Variants in SMIM23 observed in about 807,000 individuals in gnomAD.
SMIM23 encodes the protein CTB-78H18.1.
A neutral mutation model predicts 12.8 loss-of-function variants in SMIM23; 10 were observed. The ratio of observed to expected loss-of-function variants is 0.78; its 90% CI spans 0.48 to 1.32. SMIM23 has a LOEUF of 1.32. Ranked by LOEUF, SMIM23 falls within the 40% of genes most tolerant of loss-of-function variation. The pLI is 0.00. For missense variants in SMIM23, 184 were observed against 198.2 expected (o/e 0.93, Z 0.43); for synonymous variants, 78 against 80.1 (o/e 0.97, Z 0.14).
chr5:171,788,072 T>TG lies in SMIM23; in HGVS notation c.105+2096_105+2097insG, dbSNP rs1755850875. Among the ~76,000 whole-genome samples the TG allele has an allele frequency of 4.6e-5, 7 of 151,502 alleles. No homozygotes were observed. In the South Asian group the frequency reaches 1.0e-3, roughly 22 times the overall value. On this transcript the variant is annotated intron_variant, in intron 1 of 3. Transcript: ENST00000523047. The stretch of plus-strand genomic sequence containing the variant: ...ATGTCACTTCACATACTTGGGTGTG[T>TG]AAGAAATTTATTCTTTCTTTAAGGC...
chr5:171,783,695 A>T (rs1185293922), upstream of SMIM23, among the ~76,000 whole-genome samples: 1 of 152,240 alleles, frequency 6.6e-6, no homozygotes, highest in East Asian at 1.9e-4. Context: ...ATAAAAGAAA[A>T]AGTGATAGAC....
chr5:171,787,761 C>T (rs917590989), intron 1 of SMIM23, among the ~76,000 whole-genome samples: 14 of 152,304 alleles, frequency 9.2e-5, no homozygotes, highest in Admixed American at 2.6e-4. Context: ...TTTGGGGCTC[C>T]GCCCACCTGG....
chr5:171,779,798 G>T (rs1379337936), upstream of SMIM23, among the ~76,000 whole-genome samples: 1 of 151,998 alleles, frequency 6.6e-6, no homozygotes, highest in Non-Finnish European at 1.5e-5. Flanking sequence ...AGCGAGGAAG[G>T]CAGGGAGAGA....
chr5:171,776,303 C>T, the SMIM23 span, among the ~76,000 whole-genome samples: 1 of 152,174 alleles, frequency 6.6e-6, no homozygotes, highest in Non-Finnish European at 1.5e-5. Flanking sequence ...CCTCAGGATG[C>T]CAGGCTCTGC....
intron 1 of SMIM23, among the ~76,000 whole-genome samples, chr5:171,788,849 ATT>A (rs140309710): frequency 6.6e-6 from 1 of 152,034 alleles, no homozygotes; most frequent in African/African-American, 2.4e-5. Context: ...AGAAAAAAAA[ATT>A]TTTTTTGAGA....
At chr5:171,780,275 T>G (rs184478438), upstream of SMIM23, among the ~76,000 whole-genome samples, 307 of 152,276 alleles carry the variant, frequency 2.0e-3, no homozygotes, top group Middle Eastern at 3.4e-3. Flanking sequence ...AATTCCCTCC[T>G]TCAAAGGCCT....
the SMIM23 span, among the ~76,000 whole-genome samples, chr5:171,776,582 A>C: frequency 6.6e-6 from 1 of 152,130 alleles, no homozygotes; most frequent in Non-Finnish European, 1.5e-5. Context: ...CCTTCAAGCC[A>C]CCAGAAGACC....
chr5:171,783,545 CA>C (rs1755761565), upstream of SMIM23, among the ~76,000 whole-genome samples: 1 of 152,130 alleles, frequency 6.6e-6, no homozygotes, highest in Admixed American at 6.5e-5. Context: ...ACACTTTATA[CA>C]AAAATTGATT....
chr5:171,786,906 G>A (rs757756802), intron 1 of SMIM23, among the ~76,000 whole-genome samples: 11 of 150,942 alleles, frequency 7.3e-5, no homozygotes, highest in East Asian at 1.9e-4. Flanking sequence ...GCTCATTCAC[G>A]TAAGGAAGGC....
At chr5:171,785,708 G>A (rs1755801792), upstream of SMIM23, among the ~76,000 whole-genome samples, 1 of 152,270 alleles carries the variant, frequency 6.6e-6, no homozygotes, top group Non-Finnish European at 1.5e-5. Context: ...TGAGGGAAGG[G>A]ACTAAAAATC....
chr5:171,790,807 CA>C lies in SMIM23; in HGVS notation c.239del (p.Gln80ArgfsTer10), dbSNP rs1210779941. 1 of 1,536,084 alleles carries C rather than the reference CA, an allele frequency of 6.5e-7. No homozygotes were observed. The highest frequency in any genetic ancestry group is 1.2e-5 in the South Asian group (1 of 84,042). ...NLAVPQGLEY[Q>X]TNEPSEEPIK... ...GTCTGCCTTCCAGGGGCTTGAATAT[CA>C]GACCAACGAGCCCTCAGAAGAACCG... On this transcript the variant is annotated frameshift_variant, in exon 4 of 4. Coordinates refer to ENST00000523047, the MANE Select transcript of SMIM23 (RefSeq NM_001289970.2). LOFTEE classifies it low-confidence loss of function (END_TRUNC).
upstream of SMIM23, chr5:171,782,707 T>C (rs1581071465): frequency 6.6e-6 from 1 of 152,274 alleles, no homozygotes; most frequent in East Asian, 1.9e-4. Flanking sequence ...ACAAAGTTCC[T>C]GGCCTCTCAG....
chr5:171,773,474 G>A, the SMIM23 span, among the ~76,000 whole-genome samples: 1 of 152,050 alleles, frequency 6.6e-6, no homozygotes. Flanking sequence ...TAATTACAGG[G>A]CATGCGCCCT....
At chr5:171,787,415 A>G (rs1158206983) in intron 1 of SMIM23, among the ~76,000 whole-genome samples, 1 of 152,186 alleles carries the variant, frequency 6.6e-6, no homozygotes, top group East Asian at 1.9e-4. Flanking sequence ...GACACAAGGA[A>G]AAGGACTCAA....
At chr5:171,784,214 TA>T (rs1463076084), upstream of SMIM23, among the ~76,000 whole-genome samples, 2 of 152,062 alleles carry the variant, frequency 1.3e-5, no homozygotes, top group Non-Finnish European at 2.9e-5. Context: ...AATTAAAAAA[TA>T]GTGAAAACAG....
At chr5:171,786,999 GTTTCCTTTTTT>G (rs1247717009) in intron 1 of SMIM23, among the ~76,000 whole-genome samples, 131 of 90,828 alleles carry the variant, frequency 1.4e-3, no homozygotes, top group Non-Finnish European at 1.6e-3. Flanking sequence ...GAGTCCCATT[GTTTCCTTTTTT>G]TTTTTTTTTT....
In SMIM23 at chr5:171,785,875, G is replaced by A; in HGVS notation, c.4G>A (p.Ala2Thr). ...CCAGGCAGCCAGATCTGAGGCCATG[G>A]CAACCCAGCAAGTGGACAGCAGAAG... M[A>T]TQQVDSRRQV... is the part of the protein sequence containing the mutation. Residue 2 changes from alanine to threonine, a missense_variant, in exon 1 of 4, where the codon GCA (alanine) becomes ACA (threonine). By Grantham distance (58) the Ala-to-Thr change is moderately conservative. Coordinates refer to ENST00000523047, the MANE Select transcript of SMIM23 (RefSeq NM_001289970.2). 2 of 1,536,216 alleles carry A rather than the reference G, an allele frequency of 1.3e-6. No individual in the cohort carries two copies. The highest frequency in any genetic ancestry group is 1.7e-6 in the Non-Finnish European group (2 of 1,146,906).
upstream of SMIM23, among the ~76,000 whole-genome samples, chr5:171,784,707 C>T (rs1483628515): frequency 3.9e-5 from 6 of 152,258 alleles, no homozygotes; most frequent in South Asian, 6.2e-4. Context: ...ATGAAACTTA[C>T]GTTTACCCAA....
chr5:171,780,098 C>T (rs1274877775), upstream of SMIM23, among the ~76,000 whole-genome samples: 5 of 152,134 alleles, frequency 3.3e-5, no homozygotes, highest in Admixed American at 1.3e-4. Context: ...GACTCAAGCA[C>T]AAAGCACTGC....
Sources: gnomAD v4.1 joint callset for allele counts (sites outside exome capture counted in the v4.1 genomes callset) on GRCh38, gnomAD v4.1.1 for gene constraint, MANE v1.5 for transcripts, NCBI Gene and HGNC (gene_info 2026-07-23, HGNC 2026-07-21) for gene names.